Variants in CEP162 observed in about 807,000 individuals in gnomAD.
CEP162 encodes the protein centrosomal protein 162, also known as centrosomal protein of 162 kDa.
Under a neutral mutation model 169.2 loss-of-function variants are expected in CEP162, and 141 were observed. That is an observed-to-expected ratio of 0.83 (90% CI 0.73 to 0.96). CEP162 has a LOEUF of 0.96. Ranked by LOEUF, CEP162 falls within the 40% of genes least tolerant of loss-of-function variation. CEP162 has a pLI of 0.00. For synonymous variants in CEP162, 540 were observed against 526.4 expected, an observed-to-expected ratio of 1.03 and a Z score of -0.35; for missense variants, 1,600 against 1,587.2, an observed-to-expected ratio of 1.01 and a Z score of -0.14.
At chr6:84,201,160 T>C (rs910716013) in intron 8 of CEP162, among the ~76,000 whole-genome samples, 14 of 152,086 alleles carry the variant, frequency 9.2e-5, no homozygotes, top group South Asian at 2.1e-4. Flanking sequence ...CGCCTGTAGT[T>C]CCAGCTACTC....
intron 13 of CEP162, among the ~76,000 whole-genome samples, chr6:84,179,916 C>T (rs2099534043): frequency 6.6e-6 from 1 of 152,096 alleles, no homozygotes; most frequent in Admixed American, 6.5e-5. Context: ...ACCAGAGGTA[C>T]AAGAAGGAGC....
chr6:84,211,683 T>G (rs2099549553), intron 6 of CEP162, among the ~76,000 whole-genome samples: 1 of 151,882 alleles, frequency 6.6e-6, no homozygotes, highest in South Asian at 2.1e-4. Context: ...ATAGTCTTAG[T>G]GACCCATAAA....
At position 84,227,618 on chromosome 6, in the gene CEP162, G is replaced by T. The variant is rs2099556262; in HGVS notation, c.-98C>A. On this transcript the variant is annotated 5_prime_UTR_variant, in exon 1 of 27. Transcript: ENST00000403245. ...TTCCGCGCTTTCCCGGAAGGTCTGTGCGGGTCCACCAGTTGTCAGGGTAAC... is the reference window on the plus strand; with the variant it reads ...TTCCGCGCTTTCCCGGAAGGTCTGTTCGGGTCCACCAGTTGTCAGGGTAAC... 1 of 152,262 alleles carries T rather than the reference G, an allele frequency of 6.6e-6. No individual in the cohort carries two copies. The highest frequency in any genetic ancestry group is 1.5e-5 in the Non-Finnish European group (1 of 68,130). 9.4% of individuals were successfully genotyped at this position (152,262 alleles called of 1,614,324 possible). A position where few individuals can be genotyped will look rare whatever the true frequency, so the allele number is the denominator to read the frequency against.
intron 13 of CEP162, among the ~76,000 whole-genome samples, chr6:84,184,355 T>G (rs1342316832): frequency 6.6e-6 from 1 of 152,168 alleles, no homozygotes; most frequent in Admixed American, 6.5e-5. Flanking sequence ...AGCAGCTATC[T>G]GCAGCATGGT....
intron 21 of CEP162, among the ~76,000 whole-genome samples, chr6:84,159,560 T>TAA (rs2099524827): frequency 3.2e-5 from 2 of 63,054 alleles, no homozygotes; most frequent in African/African-American, 1.6e-4. Flanking sequence ...TTTTTTTTTT[T>TAA]TTTTTTTTTT....
In CEP162 at chr6:84,129,189, T is replaced by C. The variant is rs187369189; in HGVS notation, c.3871-2677A>G. On this transcript the variant is annotated intron_variant, in intron 25 of 26. Transcript: ENST00000403245. ...GTCTTAATAGTAGAATGATTTATAA[T>C]CCTTTGGGTATATACCCAGTAATGG... 2.0e-4 allele frequency among the ~76,000 whole-genome samples: 30 copies of C among 152,318 alleles called. No homozygotes were observed. In the East Asian group the frequency reaches 5.4e-3, roughly 27 times the overall value.
At chr6:84,158,343 G>C (rs1237216893) in intron 21 of CEP162, among the ~76,000 whole-genome samples, 5 of 152,062 alleles carry the variant, frequency 3.3e-5, no homozygotes, top group African/African-American at 4.8e-5. Flanking sequence ...AATTTCAAAG[G>C]GTTGATATAA....
At position 84,186,324 on chromosome 6, in the gene CEP162, ATACT is replaced by A. The variant is rs761035496; in HGVS notation, c.1401+4_1401+7del. Reference sequence around the variant, plus strand: ...ATCTCTCAAATCAATTTGATGATAAATACTTACTTTATTAATTTTGTCATCCTGA... The same window carrying A: ...ATCTCTCAAATCAATTTGATGATAAATACTTTATTAATTTTGTCATCCTGA... On this transcript the variant is annotated splice_donor_5th_base_variant and intron_variant, in intron 12 of 26. Transcript: ENST00000403245. 14 of 1,343,360 alleles carry A rather than the reference ATACT, an allele frequency of 1.0e-5. No homozygotes were observed. The highest frequency in any genetic ancestry group is 6.9e-5 in the East Asian group (3 of 43,474). The allele number at this position is 1,343,360 out of a possible 1,614,324, so 83.2% of individuals were successfully genotyped here.
rs370171466 is a variant in CEP162 at position 84,146,698 on chromosome 6, G to T, written c.3859C>A (p.Leu1287Ile). ...LVVSEVREEI[L>I]QKEITKLLEE... ...TGGCCATTTCTTACCTCTTTCTGTAGAATTTCTTCTCGAACTTCAGAAACT... is the reference window on the plus strand; with the variant it reads ...TGGCCATTTCTTACCTCTTTCTGTATAATTTCTTCTCGAACTTCAGAAACT... Residue 1287 changes from leucine (L) to isoleucine (I), a missense_variant, in exon 25 of 27, where the codon CTA becomes ATA. By Grantham distance (5) the Leu-to-Ile change is conservative (BLOSUM62 2). Transcript: ENST00000403245. 9.0e-6 allele frequency: 14 copies of T among 1,553,760 alleles called. No homozygotes were observed. In the African/African-American group the frequency reaches 1.5e-4, roughly 17 times the overall value.
intron 25 of CEP162, among the ~76,000 whole-genome samples, chr6:84,129,301 CCCA>C (rs1290979299): frequency 6.6e-6 from 1 of 152,184 alleles, no homozygotes. Flanking sequence ...AATTTACACT[CCCA>C]CCAACAGTGT....
chr6:84,206,293 G>A (rs1041688593), intron 6 of CEP162, among the ~76,000 whole-genome samples: 2 of 149,906 alleles, frequency 1.3e-5, no homozygotes, highest in Non-Finnish European at 2.9e-5. Flanking sequence ...CAAAGCTGGA[G>A]GCATCATGCT....
rs574480808 is a variant in CEP162, at chr6:84,176,089, C to CTACA, written c.1664-746_1664-743dup. The stretch of plus-strand genomic sequence containing the variant: ...GGATCCTAAGGTCCATATTCAAATA[C>CTACA]TACAGGTCCTGAGTTCAATAAACAA... On this transcript the variant is annotated intron_variant, in intron 13 of 26. Coordinates refer to ENST00000403245, the MANE Select transcript of CEP162 (RefSeq NM_014895.4). Among the ~76,000 whole-genome samples, 90 of 152,110 alleles carry CTACA rather than the reference C, an allele frequency of 5.9e-4. 1 individual carries two copies. The highest frequency in any genetic ancestry group is 2.0e-3 in the African/African-American group (84 of 41,518).
intron 25 of CEP162, among the ~76,000 whole-genome samples, chr6:84,131,636 T>C: frequency 6.6e-6 from 1 of 152,002 alleles, no homozygotes; most frequent in Non-Finnish European, 1.5e-5. Flanking sequence ...TAAAGTCTTT[T>C]TTATCAGAGA....
intron 9 of CEP162, among the ~76,000 whole-genome samples, chr6:84,197,107 A>G (rs1217376080): frequency 6.6e-6 from 1 of 152,202 alleles, no homozygotes; most frequent in Non-Finnish European, 1.5e-5. Context: ...AATGACTTCT[A>G]TGGTAAAGAC....
intron 6 of CEP162, among the ~76,000 whole-genome samples, chr6:84,210,318 T>G (rs1035439034): frequency 6.6e-6 from 1 of 152,236 alleles, no homozygotes; most frequent in Non-Finnish European, 1.5e-5. Flanking sequence ...GCTGCAAATT[T>G]TTAATTTTTT....
At chr6:84,223,256 T>G (rs898831111) in intron 2 of CEP162, among the ~76,000 whole-genome samples, 1 of 151,976 alleles carries the variant, frequency 6.6e-6, no homozygotes, top group Non-Finnish European at 1.5e-5. Context: ...ATCCCAGCAC[T>G]TTGGGAAGCC....
chr6:84,227,314 C>G (rs982987009), intron 1 of CEP162, among the ~76,000 whole-genome samples: 1 of 152,130 alleles, frequency 6.6e-6, no homozygotes, highest in African/African-American at 2.4e-5. Flanking sequence ...CACTTTCGAT[C>G]AGTTCAGGGT....
rs902748238 is a variant in CEP162, at chr6:84,160,261, TA to T, written c.2781+550del. Among the ~76,000 whole-genome samples the T allele has an allele frequency of 3.3e-5, 5 of 152,286 alleles. No homozygotes were observed. The South Asian group carries it at 1.0e-3, about 32-fold the overall frequency. On this transcript the variant is annotated intron_variant, in intron 21 of 26. Coordinates refer to ENST00000403245, the MANE Select transcript of CEP162 (RefSeq NM_014895.4). ...TTGCTTCCTAAAACAAATACTTAAA[TA>T]AAAAAATCTTTATTTTAATAAGCTT...
At chr6:84,201,854 T>C (rs2127733476) in intron 7 of CEP162, 87 bp from the exon 8 acceptor site, 1 of 679,800 alleles carries the variant, frequency 1.5e-6, no homozygotes, top group Non-Finnish European at 2.5e-6. Context: ...AAATCTGAAA[T>C]CCAGGGCTTT....
Sources: allele counts gnomAD v4.1 joint callset (sites outside exome capture counted in the v4.1 genomes callset), GRCh38; gene constraint gnomAD v4.1.1; transcripts MANE v1.5; gene names NCBI Gene and HGNC (gene_info 2026-07-23, HGNC 2026-07-21).